The following SPECC1 variants were observed in gnomAD, a reference collection of about 807,000 sequenced individuals.
The protein encoded by SPECC1 is cytospin-B.
In SPECC1, 62 loss-of-function variants were observed where a neutral mutation model predicts 104.1. The ratio of observed to expected loss-of-function variants is 0.60; its 90% CI spans 0.49 to 0.74. The LOEUF (loss-of-function observed/expected upper bound fraction) is 0.74. Among genes scored for constraint, SPECC1 ranks in the 30% least tolerant of loss-of-function variants. The pLI is 0.00. For missense variants in SPECC1, 1,306 were observed against 1,310.5 expected (o/e 1.00, Z 0.05); for synonymous variants, 513 against 501.6 (o/e 1.02, Z -0.30).
chr17:20,076,239 G>A (rs1203199424), intron 1 of SPECC1, among the ~76,000 whole-genome samples: 7 of 152,062 alleles, frequency 4.6e-5, no homozygotes, highest in Admixed American at 1.3e-4. Flanking sequence ...TCACTCTGTC[G>A]CCTAGGCTGG....
chr17:20,231,874 T>C (rs1194521997), intron 6 of SPECC1, 43 bp downstream of exon 6: 1 of 1,584,968 alleles, frequency 6.3e-7, no homozygotes. Context: ...TTCCTATGAA[T>C]TACCCGCTCC....
At chr17:20,239,432 T>A in intron 7 of SPECC1, 1 of 318,074 alleles carries the variant, frequency 3.1e-6, no homozygotes, top group Non-Finnish European at 4.7e-6. Context: ...TTTTCAGTAC[T>A]CTGCACCTTT....
At chr17:20,032,426 T>A (rs1326952075) in intron 1 of SPECC1, among the ~76,000 whole-genome samples, 2 of 152,262 alleles carry the variant, frequency 1.3e-5, no homozygotes, top group East Asian at 3.9e-4. Flanking sequence ...GTGTGCCACA[T>A]TTTGCTGAGA....
chr17:20,275,036 C>G (rs1407466484), intron 12 of SPECC1, among the ~76,000 whole-genome samples: 3 of 151,628 alleles, frequency 2.0e-5, no homozygotes, highest in African/African-American at 7.3e-5. Context: ...TTGAGCTTAC[C>G]GGGGGATGTT....
chr17:20,027,718 A>G (rs2044650202), intron 1 of SPECC1, among the ~76,000 whole-genome samples: 1 of 151,912 alleles, frequency 6.6e-6, no homozygotes, highest in Non-Finnish European at 1.5e-5. Flanking sequence ...AAATATGTGG[A>G]TTTATTTTTG....
intron 13 of SPECC1, among the ~76,000 whole-genome samples, chr17:20,304,771 C>T (rs1479439681): frequency 6.6e-6 from 1 of 151,722 alleles, no homozygotes; most frequent in Admixed American, 6.6e-5. Flanking sequence ...ATTAAGAGCT[C>T]GAGGCTGTGA....
chr17:20,193,128 T>C (rs1052492208), intron 3 of SPECC1, among the ~76,000 whole-genome samples: 4 of 152,240 alleles, frequency 2.6e-5, no homozygotes, highest in African/African-American at 9.6e-5. Context: ...GGTAATTTCC[T>C]GAAGTTGCTA....
chr17:20,284,778 T>C (rs1158196957), intron 12 of SPECC1, among the ~76,000 whole-genome samples: 1 of 152,202 alleles, frequency 6.6e-6, no homozygotes, highest in Non-Finnish European at 1.5e-5. Flanking sequence ...TAAAGACCAA[T>C]TGGGAAAACC....
At chr17:20,302,044 A>G (rs1269977096) in intron 13 of SPECC1, among the ~76,000 whole-genome samples, 2 of 152,220 alleles carry the variant, frequency 1.3e-5, no homozygotes, top group East Asian at 3.8e-4. Context: ...AAGATAGGGC[A>G]TTCACTTGTC....
At chr17:20,094,983 GAGTC>G (rs889424657) in intron 1 of SPECC1, among the ~76,000 whole-genome samples, 55 of 152,330 alleles carry the variant, frequency 3.6e-4, no homozygotes, top group African/African-American at 1.2e-3. Flanking sequence ...TCATCTCCAT[GAGTC>G]AGTCAGACTG....
intron 12 of SPECC1, among the ~76,000 whole-genome samples, chr17:20,269,033 A>C (rs1031986210): frequency 6.6e-6 from 1 of 152,328 alleles, no homozygotes; most frequent in Middle Eastern, 3.4e-3. Flanking sequence ...AACACCGAAG[A>C]AGCAGCCCTG....
intron 13 of SPECC1, among the ~76,000 whole-genome samples, chr17:20,298,948 A>AGAGAGAGAGAGAGAGAGG: frequency 1.6e-4 from 8 of 49,062 alleles, no homozygotes; most frequent in East Asian, 8.5e-3. Context: ...AGAGAGAGAG[A>AGAGAGAGAGAGAGAGAGG]GTGTGTGTGT....
At chr17:20,255,565 C>G (rs2039795666) in intron 10 of SPECC1, among the ~76,000 whole-genome samples, 1 of 152,170 alleles carries the variant, frequency 6.6e-6, no homozygotes, top group South Asian at 2.1e-4. Flanking sequence ...TGTAGAGACA[C>G]CATTCTTTCT....
chr17:20,104,492 C>T (rs1421352771), intron 2 of SPECC1, among the ~76,000 whole-genome samples: 3 of 152,050 alleles, frequency 2.0e-5, no homozygotes, highest in East Asian at 1.9e-4. Context: ...CCTGTAATCC[C>T]GCCACTTTGG....
chr17:20,127,364 G>A (rs1197550476), intron 3 of SPECC1, among the ~76,000 whole-genome samples: 1 of 152,054 alleles, frequency 6.6e-6, no homozygotes, highest in East Asian at 1.9e-4. Flanking sequence ...TCTTTACAGA[G>A]GGAAGCTAGT....
intron 12 of SPECC1, among the ~76,000 whole-genome samples, chr17:20,278,336 G>A (rs2040642837): frequency 6.6e-6 from 1 of 152,220 alleles, no homozygotes; most frequent in Admixed American, 6.5e-5. Flanking sequence ...AACAGAGGCA[G>A]AGGATAAGAG....
chr17:20,158,983 A>AG (rs1175270528), intron 3 of SPECC1, among the ~76,000 whole-genome samples: 1 of 147,762 alleles, frequency 6.8e-6, no homozygotes, highest in Non-Finnish European at 1.5e-5. Flanking sequence ...TTTGAGATGG[A>AG]GGCTTGTTCT....
At chr17:20,209,374 T>G (rs908793522) in intron 4 of SPECC1, among the ~76,000 whole-genome samples, 1 of 152,218 alleles carries the variant, frequency 6.6e-6, no homozygotes, top group African/African-American at 2.4e-5. Flanking sequence ...TCCTATGATC[T>G]AATAGATTCC....
chr17:20,083,938 T>TA (rs2047077792), intron 1 of SPECC1, among the ~76,000 whole-genome samples: 1 of 152,230 alleles, frequency 6.6e-6, no homozygotes, highest in South Asian at 2.1e-4. Context: ...AGTAGGTGTG[T>TA]AGTGATAGCT....
Sources: allele counts gnomAD v4.1 joint callset (sites outside exome capture counted in the v4.1 genomes callset), GRCh38; gene constraint gnomAD v4.1.1; transcripts MANE v1.5; gene names NCBI Gene and HGNC (gene_info 2026-07-23, HGNC 2026-07-21).